DOCK7: variants seen among roughly 807,000 people sequenced by gnomAD.
DOCK7 encodes dedicator of cytokinesis 7.
DOCK7 carries 138 observed loss-of-function variants against 271.0 expected under a neutral mutation model. That is an observed-to-expected ratio of 0.51 (90% CI 0.44 to 0.59). DOCK7 has a LOEUF of 0.59. DOCK7 is among the 20% of genes least tolerant of loss of function. The pLI is 0.00. For synonymous variants in DOCK7, 823 were observed against 876.1 expected (o/e 0.94, Z 1.07); for missense variants, 2,066 against 2,592.4 (o/e 0.80, Z 4.41).
At position 62,625,410 on chromosome 1, in the gene DOCK7, G is replaced by T. The variant is rs1325493384; in HGVS notation, c.1283-9C>A. ...CCAAGACCCTTTTCGTTCTACAAAA[G>T]AATTAAAAAAAAAATTCATTTTCAT... On this transcript the variant is annotated splice_polypyrimidine_tract_variant and intron_variant, in intron 11 of 49. Transcript: ENST00000635253. 3.2e-6 allele frequency: 5 copies of T among 1,560,148 alleles called. No individual in the cohort carries two copies. The South Asian group carries it at 3.7e-5, about 11-fold the overall frequency.
chr1:62,594,256 C>T (rs564843227), intron 14 of DOCK7, among the ~76,000 whole-genome samples: 46 of 152,120 alleles, frequency 3.0e-4, no homozygotes, highest in African/African-American at 1.1e-3. Context: ...GGCAGAAAAT[C>T]CTTTATAAAA....
chr1:62,634,979 C>A, intron 8 of DOCK7, 57 bp from the exon 9 acceptor site: 1 of 1,245,422 alleles, frequency 8.0e-7, no homozygotes, highest in South Asian at 1.7e-5. Flanking sequence ...GTGTCTATTT[C>A]TTAAAAGAAA....
At chr1:62,606,685 C>A (rs1052399827) in intron 14 of DOCK7, among the ~76,000 whole-genome samples, 6 of 151,972 alleles carry the variant, frequency 3.9e-5, no homozygotes, top group Non-Finnish European at 7.4e-5. Context: ...ATCTTTATAA[C>A]CCTATTCCTT....
At position 62,475,310 on chromosome 1, in the gene DOCK7, C is replaced by G; in HGVS notation, c.6003G>C (p.Gln2001His). The G allele has an allele frequency of 6.2e-7, 1 of 1,613,944 alleles. No homozygotes were observed. Among genetic ancestry groups the G allele is most frequent in the Non-Finnish European group, 8.5e-7 (1 of 1,179,928 alleles). Residue 2001 changes from glutamine (Q) to histidine (H), a missense_variant, in exon 47 of 50, where the codon CAG becomes CAC. Physicochemically the swap from Gln to His is conservative, Grantham distance 24. Coordinates refer to ENST00000635253, the MANE Select transcript of DOCK7 (RefSeq NM_001367561.1). The stretch of plus-strand genomic sequence containing the variant: ...CAAATGCCAACTCCTGTGTCTTTTT[C>G]TGCATGTCCTCAATAGCAACTTCAA... Reference protein sequence around the residue: ...TPIEVAIEDMQKKTQELAFAT... With the variant: ...TPIEVAIEDMHKKTQELAFAT...
intron 18 of DOCK7, among the ~76,000 whole-genome samples, chr1:62,563,216 G>T (rs1222060853): frequency 6.6e-6 from 1 of 152,192 alleles, no homozygotes; most frequent in Non-Finnish European, 1.5e-5. Flanking sequence ...AAAGGAGGCA[G>T]AGTGGGTAAT....
At chr1:62,595,996 A>C (rs1228188001) in intron 14 of DOCK7, among the ~76,000 whole-genome samples, 1 of 152,204 alleles carries the variant, frequency 6.6e-6, no homozygotes, top group Non-Finnish European at 1.5e-5. Context: ...ACTGAAATTT[A>C]TTATGATAAA....
Position 62,586,767 on chromosome 1 carries a change from G to A in DOCK7, c.1683-143C>T, listed in dbSNP as rs148137031. 2.1e-3 allele frequency: 1,019 copies of A among 478,258 alleles called. 3 individuals are homozygous for A. Among genetic ancestry groups the A allele is most frequent in the African/African-American group, 0.017 (856 of 49,678 alleles). 29.6% of individuals were successfully genotyped at this position (478,258 alleles called of 1,614,324 possible). ...TATGCTAAGTATTTTCACATGTGAC[G>A]TTTTATTTACTCCTGAGAGCAATCA... On this transcript the variant is annotated intron_variant, in intron 14 of 49. Transcript: ENST00000635253.
chr1:62,534,876 A>G (rs1042871071), intron 29 of DOCK7, among the ~76,000 whole-genome samples: 9 of 152,002 alleles, frequency 5.9e-5, no homozygotes, highest in African/African-American at 2.2e-4. Context: ...TGATCACTTG[A>G]GGTCAGGAGT....
chr1:62,517,631 T>C (rs1399938635), intron 31 of DOCK7, among the ~76,000 whole-genome samples: 1 of 152,126 alleles, frequency 6.6e-6, no homozygotes, highest in Non-Finnish European at 1.5e-5. Flanking sequence ...TCCATTTTAA[T>C]GATCTCTCTT....
intron 14 of DOCK7, among the ~76,000 whole-genome samples, chr1:62,587,473 G>T (rs938468821): frequency 2.6e-5 from 4 of 152,016 alleles, no homozygotes; most frequent in African/African-American, 7.2e-5. Flanking sequence ...AATTTTAAAT[G>T]AACATAACAC....
chr1:62,620,730 A>G (rs979217011), intron 12 of DOCK7, among the ~76,000 whole-genome samples: 6 of 151,832 alleles, frequency 4.0e-5, no homozygotes, highest in Non-Finnish European at 7.4e-5. Context: ...AAATACAAAA[A>G]AAAATTAGCC....
chr1:62,597,359 A>G, intron 14 of DOCK7: 7 of 512,350 alleles, frequency 1.4e-5, no homozygotes, highest in Non-Finnish European at 2.4e-5. Context: ...TTAGTTGCTC[A>G]TTTCTTTGAT....
At chr1:62,488,681 C>T in intron 42 of DOCK7, 2 of 435,586 alleles carry the variant, frequency 4.6e-6, no homozygotes, top group Non-Finnish European at 8.3e-6. Flanking sequence ...TAAAAACTTG[C>T]TAATTAATAA....
At chr1:62,487,671 A>C in intron 42 of DOCK7, 1 of 377,914 alleles carries the variant, frequency 2.6e-6, no homozygotes, top group South Asian at 4.3e-5. Flanking sequence ...AGCTTGTTCC[A>C]TTTACATGTT....
At chr1:62,646,348 G>C (rs1656661812) in intron 7 of DOCK7, among the ~76,000 whole-genome samples, 1 of 152,110 alleles carries the variant, frequency 6.6e-6, no homozygotes, top group Admixed American at 6.5e-5. Context: ...GGAAAAGAGA[G>C]AACAGGGAGT....
chr1:62,474,936 T>A (rs1259546549), intron 47 of DOCK7, among the ~76,000 whole-genome samples: 1 of 152,204 alleles, frequency 6.6e-6, no homozygotes, highest in Non-Finnish European at 1.5e-5. Flanking sequence ...AGGGAGAATC[T>A]AACATAGTAG....
chr1:62,687,915 T>A (rs918449740), intron 1 of DOCK7, among the ~76,000 whole-genome samples: 13 of 152,124 alleles, frequency 8.5e-5, no homozygotes, highest in South Asian at 6.2e-4. Context: ...CGCCCTTCCA[T>A]AAACCTCCGC....
chr1:62,540,574 T>C (rs1331590245), intron 25 of DOCK7, among the ~76,000 whole-genome samples: 1 of 152,216 alleles, frequency 6.6e-6, no homozygotes, highest in Non-Finnish European at 1.5e-5. Context: ...GTCTTCACTA[T>C]AGTGTCCTCA....
At chr1:62,563,056 A>G (rs567507055) in intron 18 of DOCK7, among the ~76,000 whole-genome samples, 45 of 152,126 alleles carry the variant, frequency 3.0e-4, no homozygotes, top group Middle Eastern at 6.8e-3. Context: ...CCCCCAACCA[A>G]CAGAGGTGAC....
Sources: gnomAD v4.1 joint callset for allele counts (sites outside exome capture counted in the v4.1 genomes callset) on GRCh38, gnomAD v4.1.1 for gene constraint, MANE v1.5 for transcripts, NCBI Gene and HGNC (gene_info 2026-07-23, HGNC 2026-07-21) for gene names.